Variants in TP73 observed in about 807,000 individuals in gnomAD.
TP73 encodes the protein p53-like transcription factor.
A neutral mutation model predicts 62.5 loss-of-function variants in TP73; 25 were observed. That is an observed-to-expected ratio of 0.40 (90% CI 0.29 to 0.56). The LOEUF (loss-of-function observed/expected upper bound fraction) is 0.56. Among genes scored for constraint, TP73 ranks in the 20% least tolerant of loss-of-function variants. The pLI is 0.46. For synonymous variants in TP73, 423 were observed against 377.5 expected, an observed-to-expected ratio of 1.12 and a Z score of -1.40; for missense variants, 754 against 913.3, an observed-to-expected ratio of 0.83 and a Z score of 2.25.
intron 1 of TP73, among the ~76,000 whole-genome samples, chr1:3,677,517 TCTGTGCC>T: frequency 6.6e-6 from 1 of 152,202 alleles, no homozygotes; most frequent in Non-Finnish European, 1.5e-5. Context: ...CCTTTGCAAC[TCTGTGCC>T]CTGACTTGAT....
intron 1 of TP73, among the ~76,000 whole-genome samples, chr1:3,667,887 T>C (rs1645156706): frequency 6.6e-6 from 1 of 152,320 alleles, no homozygotes; most frequent in East Asian, 1.9e-4. Context: ...AACCCTTGTG[T>C]TACGGTGCAC....
intron 10 of TP73, 21 bp downstream of exon 10, chr1:3,729,469 C>A (rs2124533813): frequency 6.2e-7 from 1 of 1,612,274 alleles, no homozygotes. Flanking sequence ...CCTAGCCCAC[C>A]ATCAGTGTGG....
chr1:3,669,867 T>A (rs1408015570), intron 1 of TP73, among the ~76,000 whole-genome samples: 1 of 152,120 alleles, frequency 6.6e-6, no homozygotes, highest in Non-Finnish European at 1.5e-5. Flanking sequence ...GGGCAGAGTG[T>A]GTACGTGGCA....
intron 1 of TP73, among the ~76,000 whole-genome samples, chr1:3,667,865 G>A (rs1645156532): frequency 6.6e-6 from 1 of 152,206 alleles, no homozygotes; most frequent in Admixed American, 6.5e-5. Flanking sequence ...GGGAGTTCAG[G>A]AATAGCTTTG....
At chr1:3,691,390 G>A (rs1186452068) in intron 3 of TP73, among the ~76,000 whole-genome samples, 5 of 152,104 alleles carry the variant, frequency 3.3e-5, no homozygotes, top group African/African-American at 9.7e-5. Flanking sequence ...AGCTGCCCCC[G>A]CCCTCATCAG....
intron 3 of TP73, among the ~76,000 whole-genome samples, chr1:3,688,134 G>A (rs1390839752): frequency 2.0e-5 from 3 of 152,132 alleles, no homozygotes; most frequent in Non-Finnish European, 4.4e-5. Context: ...GGAGCAGGGA[G>A]GGGGCTCAGC....
At chr1:3,658,377 G>A (rs552287911) in intron 1 of TP73, among the ~76,000 whole-genome samples, 15 of 152,198 alleles carry the variant, frequency 9.9e-5, no homozygotes, top group Non-Finnish European at 1.6e-4. Flanking sequence ...GCCCCCGCCC[G>A]GAAGTGCCAT....
chr1:3,655,044 G>A lies in TP73; in HGVS notation c.-34+2403G>A, dbSNP rs140040685. Among the ~76,000 whole-genome samples, 99 of 152,344 alleles carry A rather than the reference G, an allele frequency of 6.5e-4. No homozygotes were observed. The East Asian group carries it at 8.7e-3, about 13-fold the overall frequency. ...ATTCCGAGCACACCAAAGTGACATCGCGTACACGGTGAACCCTGTGTTTGC... is the reference window on the plus strand; with the variant it reads ...ATTCCGAGCACACCAAAGTGACATCACGTACACGGTGAACCCTGTGTTTGC... On this transcript the variant is annotated intron_variant, in intron 1 of 13. Transcript: ENST00000378295.
chr1:3,682,465 C>T lies in TP73; in HGVS notation c.65+35C>T, dbSNP rs1265316269. On this transcript the variant is annotated intron_variant, in intron 2 of 13. Transcript: ENST00000378295. ...CTTGGCTGGCCAGAGCTGGGGGCCC[C>T]CCTGGGAGGCACTCTGGGCTAGCCT... 22 of 1,445,680 alleles carry T rather than the reference C, an allele frequency of 1.5e-5. No individual in the cohort carries two copies. The Middle Eastern group carries it at 6.0e-4, about 39-fold the overall frequency. The allele number at this position is 1,445,680 out of a possible 1,614,324, so 89.6% of individuals were successfully genotyped here. A position where few individuals can be genotyped will look rare whatever the true frequency, so the allele number is the denominator to read the frequency against.
At chr1:3,695,225 T>G (rs551346551) in intron 3 of TP73, among the ~76,000 whole-genome samples, 1 of 152,228 alleles carries the variant, frequency 6.6e-6, no homozygotes, top group East Asian at 1.9e-4. Context: ...GGCTGAGCGC[T>G]GGAGACGTCG....
rs1219082164 is a variant in TP73, at chr1:3,666,887, G to T, written c.-34+14246G>T. Among the ~76,000 whole-genome samples the T allele has an allele frequency of 1.3e-5, 2 of 152,152 alleles. No homozygotes were observed. The highest frequency in any genetic ancestry group is 2.9e-5 in the Non-Finnish European group (2 of 68,034). ...CATTTATGGTTGGCAAAAAAAAGTG[G>T]CTCCCCAAAGGTCTTCACGTCCCAA... On this transcript the variant is annotated intron_variant, in intron 1 of 13. Transcript: ENST00000378295. This position sits in a 1 kb window ranked among gnomAD's most constrained non-coding sequence, Gnocchi z 6.4.
chr1:3,675,481 T>C (rs986225962), intron 1 of TP73, among the ~76,000 whole-genome samples: 1 of 151,158 alleles, frequency 6.6e-6, no homozygotes, highest in Non-Finnish European at 1.5e-5. Context: ...GCGGGTGGAG[T>C]TCCTGGGGGC....
Position 3,689,035 on chromosome 1 carries a change from G to A in TP73, c.186+5855G>A, listed in dbSNP as rs150669489. Among the ~76,000 whole-genome samples, 199 of 152,252 alleles carry A rather than the reference G, an allele frequency of 1.3e-3. 1 individual carries two copies. The highest frequency in any genetic ancestry group is 4.2e-3 in the Admixed American group (65 of 15,308). On this transcript the variant is annotated intron_variant, in intron 3 of 13. Coordinates refer to ENST00000378295, the MANE Select transcript of TP73 (RefSeq NM_005427.4). Reference sequence around the variant, plus strand: ...GATGTGCCCTGTGGGGGTCGGGAGCGGAACCCAGGCCCCGCCTCGGCCCTG... The same window carrying A: ...GATGTGCCCTGTGGGGGTCGGGAGCAGAACCCAGGCCCCGCCTCGGCCCTG...
chr1:3,665,859 G>A (rs1476517687), intron 1 of TP73, among the ~76,000 whole-genome samples: 10 of 142,558 alleles, frequency 7.0e-5, no homozygotes, highest in African/African-American at 2.6e-4. Flanking sequence ...GAATCACCAG[G>A]CAAGGTGGCT....
At position 3,730,116 on chromosome 1, in the gene TP73, G is replaced by A. The variant is rs1642013663; in HGVS notation, c.1313G>A (p.Ser438Asn). 1.3e-6 allele frequency: 2 copies of A among 1,572,102 alleles called. No homozygotes were observed. The highest frequency in any genetic ancestry group is 2.3e-5 in the East Asian group (1 of 42,622). The change falls in exon 11 of 14, where the codon AGT (serine) becomes AAT (asparagine). Residue 438 changes from serine (S) to asparagine (N), a missense_variant. Physicochemically the swap from Ser to Asn is conservative, Grantham distance 46. Coordinates refer to ENST00000378295, the MANE Select transcript of TP73 (RefSeq NM_005427.4). ...CTGGTGGGCCAGCCTCCCCCGCACAGTTCGGCAGCTACACCCAACCTGGGG... is the reference window on the plus strand; with the variant it reads ...CTGGTGGGCCAGCCTCCCCCGCACAATTCGGCAGCTACACCCAACCTGGGG... ...NQLVGQPPPH[S>N]SAATPNLGPV...
At chr1:3,716,106 G>A (rs1640573719) in intron 4 of TP73, among the ~76,000 whole-genome samples, 4 of 152,186 alleles carry the variant, frequency 2.6e-5, no homozygotes, top group Admixed American at 2.6e-4. Context: ...CCTCCCCAGT[G>A]AGCAGTTTCT....
chr1:3,702,257 C>A (rs1427409121), intron 3 of TP73, among the ~76,000 whole-genome samples: 1 of 152,172 alleles, frequency 6.6e-6, no homozygotes, highest in East Asian at 1.9e-4. Flanking sequence ...GGCCAGGGGG[C>A]AGGCGGGACC....
chr1:3,716,668 A>C (rs1172223253), intron 4 of TP73, among the ~76,000 whole-genome samples: 1 of 152,170 alleles, frequency 6.6e-6, no homozygotes, highest in Non-Finnish European at 1.5e-5. Context: ...CCTCCCACGA[A>C]GGGGGCTGTC....
chr1:3,692,154 G>A (rs996852218), intron 3 of TP73, among the ~76,000 whole-genome samples: 5 of 152,168 alleles, frequency 3.3e-5, no homozygotes, highest in African/African-American at 9.7e-5. Context: ...TACTGCAGGT[G>A]TGATTGTGTG....
Sources: allele counts gnomAD v4.1 joint callset (sites outside exome capture counted in the v4.1 genomes callset), GRCh38; gene constraint gnomAD v4.1.1; non-coding constraint Gnocchi (gnomAD v3.1); transcripts MANE v1.5; gene names NCBI Gene and HGNC (gene_info 2026-07-23, HGNC 2026-07-21).